MMUT: variants seen among roughly 807,000 people sequenced by gnomAD.
MMUT encodes methylmalonyl-CoA mutase, also known as methylmalonyl-CoA mutase, mitochondrial.
MMUT carries 79 observed loss-of-function variants against 79.9 expected under a neutral mutation model. The ratio of observed to expected loss-of-function variants is 0.99; its 90% CI spans 0.82 to 1.19. MMUT has a LOEUF of 1.19. MMUT is among the 50% of genes most tolerant of loss of function. The pLI is 0.00. For missense variants in MMUT, 860 were observed against 917.2 expected (o/e 0.94, Z 0.81); for synonymous variants, 273 against 295.7 (o/e 0.92, Z 0.79).
At chr6:49,439,949 G>C (rs561698389) in intron 11 of MMUT, among the ~76,000 whole-genome samples, 1 of 152,292 alleles carries the variant, frequency 6.6e-6, no homozygotes, top group African/African-American at 2.4e-5. Flanking sequence ...ATAAGATTAT[G>C]ACAAAGCCAG....
At chr6:49,462,207 C>CA (rs1220769743) in intron 1 of MMUT, among the ~76,000 whole-genome samples, 1 of 152,122 alleles carries the variant, frequency 6.6e-6, no homozygotes, top group African/African-American at 2.4e-5. Flanking sequence ...AAGCAACATG[C>CA]AAAGCAAATA....
In MMUT at chr6:49,459,171, A is replaced by G. The variant is rs1767770379; in HGVS notation, c.296T>C (p.Met99Thr). ...KPFTRGPYPT[M>T]YTFRPWTIRQ... ...GATGGTCCAGGGCCTAAAGGTATAC[A>G]TGGTAGGATATGGTCCACGTGTGAA... is the stretch of plus-strand genomic sequence containing the variant. Residue 99 changes from methionine to threonine, a missense_variant, in exon 2 of 13, where the codon ATG becomes ACG. Physicochemically the swap from Met to Thr is moderately conservative, Grantham distance 81. Transcript: ENST00000274813. 6 of 1,614,204 alleles carry G rather than the reference A, an allele frequency of 3.7e-6. No homozygotes were observed. The highest frequency in any genetic ancestry group is 5.1e-6 in the Non-Finnish European group (6 of 1,180,028).
chr6:49,455,646 A>T (rs921247652), intron 4 of MMUT, among the ~76,000 whole-genome samples: 3 of 152,222 alleles, frequency 2.0e-5, no homozygotes, highest in Non-Finnish European at 4.4e-5. Flanking sequence ...CATATTTTTC[A>T]TACAACATTA....
intron 5 of MMUT, among the ~76,000 whole-genome samples, chr6:49,452,948 T>C (rs1329549686): frequency 2.0e-5 from 3 of 151,908 alleles, no homozygotes; most frequent in Non-Finnish European, 4.4e-5. Flanking sequence ...AGTTTTATGT[T>C]AAGAATTATA....
rs576032707 is a variant in MMUT at position 49,431,587 on chromosome 6, A to G, written c.*141T>C. On this transcript the variant is annotated 3_prime_UTR_variant, in exon 13 of 13. Transcript: ENST00000274813. ...ATACTTATAGCATGACACCAGGCCT[A>G]TAAGTAAGGTATTTTAAAGTAAAGC... 3.6e-6 allele frequency: 3 copies of G among 840,156 alleles called. No homozygotes were observed. The highest frequency in any genetic ancestry group is 2.7e-5 in the East Asian group (1 of 36,754). 52.0% of individuals were successfully genotyped at this position (840,156 alleles called of 1,614,324 possible).
chr6:49,453,783 T>G (rs1767619197), intron 4 of MMUT, 27 bp from the exon 5 acceptor site: 2 of 1,585,780 alleles, frequency 1.3e-6, no homozygotes, highest in Non-Finnish European at 1.7e-6. Context: ...AGGTCCAGAA[T>G]TTAATTAAAG....
chr6:49,454,191 C>G (rs1430359153), intron 4 of MMUT, among the ~76,000 whole-genome samples: 1 of 152,218 alleles, frequency 6.6e-6, no homozygotes, highest in African/African-American at 2.4e-5. Flanking sequence ...GCATATACTT[C>G]TCCAATTTGT....
chr6:49,431,616 CA>C lies in MMUT; in HGVS notation c.*111del. The C allele has an allele frequency of 1.7e-6, 2 of 1,176,098 alleles. No homozygotes were observed. The highest frequency in any genetic ancestry group is 2.5e-6 in the Non-Finnish European group (2 of 806,426). The allele number at this position is 1,176,098 out of a possible 1,614,324, so 72.9% of individuals were successfully genotyped here. On this transcript the variant is annotated 3_prime_UTR_variant, in exon 13 of 13. Transcript: ENST00000274813. ...GTAAGGTATTTTAAAGTAAAGCTTT[CA>C]AGGAAAGTACAAATCAGGTATTGAA...
Position 49,447,660 on chromosome 6 carries a change from C to G in MMUT, c.1560+10G>C, listed in dbSNP as rs2127416788. ...ACTTAAAAAAAAAAAAAAAAGCAAG[C>G]TATTAATACCTTCTTAAGTTTTTCA... On this transcript the variant is annotated intron_variant, in intron 8 of 12. Coordinates refer to ENST00000274813, the MANE Select transcript of MMUT (RefSeq NM_000255.4). 7.0e-7 allele frequency: 1 copy of G among 1,436,780 alleles called. No homozygotes were observed. Among genetic ancestry groups the G allele is most frequent in the Non-Finnish European group, 9.7e-7 (1 of 1,026,350 alleles). The allele number at this position is 1,436,780 out of a possible 1,614,324, so 89.0% of individuals were successfully genotyped here.
chr6:49,432,308 T>C (rs778305100), intron 12 of MMUT, among the ~76,000 whole-genome samples: 2 of 149,036 alleles, frequency 1.3e-5, no homozygotes, highest in Non-Finnish European at 3.0e-5. Context: ...AACTGATAGA[T>C]TTTCTATAAA....
intron 11 of MMUT, among the ~76,000 whole-genome samples, chr6:49,435,866 A>G (rs947447820): frequency 6.6e-6 from 1 of 152,244 alleles, no homozygotes; most frequent in African/African-American, 2.4e-5. Flanking sequence ...ACAGAATGGG[A>G]GAAAACTTTT....
chr6:49,457,629 T>C, intron 3 of MMUT, 62 bp downstream of exon 3: 2 of 1,388,446 alleles, frequency 1.4e-6, no homozygotes, highest in Admixed American at 2.0e-5. Flanking sequence ...AGTTATAGCA[T>C]GTTGTAAAAA....
chr6:49,443,594 C>T lies in MMUT; in HGVS notation c.1676+1045G>A, dbSNP rs189146852. 3.0e-3 allele frequency among the ~76,000 whole-genome samples: 454 copies of T among 152,068 alleles called. 1 individual carries two copies. The highest frequency in any genetic ancestry group is 7.2e-3 in the African/African-American group (297 of 41,500). On this transcript the variant is annotated intron_variant, in intron 9 of 12. Coordinates refer to ENST00000274813, the MANE Select transcript of MMUT (RefSeq NM_000255.4). ...GCAAGAAGGGTAATATTTCAGACTC[C>T]TTCTGGTTCTTAATATAATAAATTT...
intron 1 of MMUT, among the ~76,000 whole-genome samples, chr6:49,460,532 T>A (rs1359907255): frequency 6.6e-6 from 1 of 152,172 alleles, no homozygotes; most frequent in Non-Finnish European, 1.5e-5. Context: ...AGCGTCATCA[T>A]TTTCCAGATG....
intron 11 of MMUT, among the ~76,000 whole-genome samples, chr6:49,438,113 G>A (rs1032071092): frequency 3.3e-5 from 5 of 152,068 alleles, no homozygotes; most frequent in African/African-American, 7.2e-5. Context: ...TAACCTCGAG[G>A]ACAAAATTGT....
At chr6:49,452,648 T>C (rs1019651166) in intron 5 of MMUT, among the ~76,000 whole-genome samples, 1 of 152,214 alleles carries the variant, frequency 6.6e-6, no homozygotes, top group Admixed American at 6.5e-5. Context: ...TCTCCATTTA[T>C]AAGAACCTGA....
chr6:49,441,940 T>C lies in MMUT; in HGVS notation c.1708A>G (p.Lys570Glu), dbSNP rs1183076483. Residue 570 changes from lysine to glutamate, a missense_variant, in exon 10 of 13, where the codon AAA (lysine) becomes GAA (glutamate). Transcript: ENST00000274813. Reference sequence around the variant, plus strand: ...GCTTTATGTTCACCAAATACCTTTTTCAGGGCATCTGTGATTTCTCCCACT... The same window carrying C: ...GCTTTATGTTCACCAAATACCTTTTCCAGGGCATCTGTGATTTCTCCCACT... ...CTVGEITDAL[K>E]KVFGEHKAND... The C allele has an allele frequency of 1.2e-6, 2 of 1,611,698 alleles. No individual in the cohort carries two copies. Among genetic ancestry groups the C allele is most frequent in the Admixed American group, 3.3e-5 (2 of 59,932 alleles).
chr6:49,456,921 A>G (rs770309265), intron 3 of MMUT, among the ~76,000 whole-genome samples: 1 of 152,232 alleles, frequency 6.6e-6, no homozygotes, highest in Non-Finnish European at 1.5e-5. Context: ...CATGTTAGGT[A>G]GAGTACATCA....
rs1766964184 is a variant in MMUT at position 49,431,206 on chromosome 6, T to C, written c.*522A>G. 6.6e-6 allele frequency: 1 copy of C among 152,610 alleles called. No individual in the cohort carries two copies. Among genetic ancestry groups the C allele is most frequent in the Non-Finnish European group, 1.5e-5 (1 of 68,360 alleles). 9.5% of individuals were successfully genotyped at this position (152,610 alleles called of 1,614,324 possible). ...GTGCTTGATTTTAATACTTCTTTTATTAAGGTGATTCTGGTAGAATTTGGC... is the reference window on the plus strand; with the variant it reads ...GTGCTTGATTTTAATACTTCTTTTACTAAGGTGATTCTGGTAGAATTTGGC... On this transcript the variant is annotated 3_prime_UTR_variant, in exon 13 of 13. Coordinates refer to ENST00000274813, the MANE Select transcript of MMUT (RefSeq NM_000255.4).
Sources: allele counts gnomAD v4.1 joint callset (sites outside exome capture counted in the v4.1 genomes callset), GRCh38; gene constraint gnomAD v4.1.1; transcripts MANE v1.5; gene names NCBI Gene and HGNC (gene_info 2026-07-23, HGNC 2026-07-21).